Variants in PIK3CD observed in about 807,000 individuals in gnomAD.
The protein encoded by PIK3CD is phosphatidylinositol 4,5-bisphosphate 3-kinase catalytic subunit delta isoform.
PIK3CD carries 20 observed loss-of-function variants against 122.9 expected under a neutral mutation model. The observed-to-expected ratio is 0.16, with a 90% CI of 0.11 to 0.24. The LOEUF (loss-of-function observed/expected upper bound fraction) is 0.24. Among genes scored for constraint, PIK3CD ranks in the 10% least tolerant of loss-of-function variants. The pLI, the probability that PIK3CD is intolerant of heterozygous loss-of-function variation, is 1.00. For missense variants in PIK3CD, 787 were observed against 1,406.3 expected (o/e 0.56, Z 7.04); for synonymous variants, 596 against 593.4 (o/e 1.00, Z -0.06).
chr1:9,637,025 G>A, the PIK3CD span, among the ~76,000 whole-genome samples: 1 of 151,966 alleles, frequency 6.6e-6, no homozygotes, highest in African/African-American at 2.4e-5. Flanking sequence ...AGCCTCCTGA[G>A]TAGCTGGGAC....
chr1:9,720,129 C>A lies in PIK3CD; in HGVS notation c.1357C>A (p.Leu453Met). The A allele has an allele frequency of 6.2e-7, 1 of 1,613,248 alleles. No individual in the cohort carries two copies. Among genetic ancestry groups the A allele is most frequent in the Non-Finnish European group, 8.5e-7 (1 of 1,180,016 alleles). ...PSVPDEKGEL[L>M]NPTGTVRSNP... is the part of the protein sequence containing the mutation. ...GTGTTCAGATGAGAAGGGCGAGCTG[C>A]TGAACCCCACGGGCACTGTGCGCAG... The change falls in exon 11 of 24, where the codon CTG becomes ATG. Residue 453 changes from leucine to methionine, a missense_variant. This residue lies in a region of PIK3CD where 592 missense variants were observed against 920.6 expected (regional missense o/e 0.64). Transcript: ENST00000377346. The surrounding 1 kb of genome is among the most constrained non-coding windows in gnomAD (Gnocchi z 9.0).
intron 1 of PIK3CD, among the ~76,000 whole-genome samples, chr1:9,674,391 G>A (rs567980808): frequency 2.2e-4 from 33 of 152,212 alleles, no homozygotes; most frequent in East Asian, 7.7e-4. Context: ...TTGAAAATAC[G>A]AAGGTTGGCC....
intron 1 of PIK3CD, among the ~76,000 whole-genome samples, chr1:9,675,931 ATT>A (rs577007319): frequency 3.9e-4 from 52 of 132,168 alleles, no homozygotes; most frequent in African/African-American, 1.2e-3. Flanking sequence ...CACCAAGCTA[ATT>A]TTTTTTTTTT....
At chr1:9,629,314 A>G in the PIK3CD span, among the ~76,000 whole-genome samples, 1 of 151,756 alleles carries the variant, frequency 6.6e-6, no homozygotes, top group Non-Finnish European at 1.5e-5. Context: ...TCCGAGAAAG[A>G]GGCCGGGGCA....
chr1:9,675,544 G>A (rs192368947), intron 1 of PIK3CD, among the ~76,000 whole-genome samples: 86 of 152,178 alleles, frequency 5.7e-4, no homozygotes, highest in African/African-American at 2.0e-3. Flanking sequence ...CCTGCACCAT[G>A]CTGCCTCCAA....
intron 1 of PIK3CD, among the ~76,000 whole-genome samples, chr1:9,662,939 T>G (rs1645050713): frequency 6.6e-6 from 1 of 152,196 alleles, no homozygotes; most frequent in South Asian, 2.1e-4. Flanking sequence ...TCCACCTGCC[T>G]TGGCCTCCCG....
intron 1 of PIK3CD, chr1:9,687,342 G>A (rs1314170639): frequency 1.3e-5 from 2 of 152,192 alleles, no homozygotes; most frequent in East Asian, 1.9e-4. Context: ...TACCAGGTTG[G>A]GGGGCTCTGC....
chr1:9,692,988 G>C (rs897830578), intron 2 of PIK3CD, among the ~76,000 whole-genome samples: 1 of 152,074 alleles, frequency 6.6e-6, no homozygotes, highest in Non-Finnish European at 1.5e-5. Context: ...ATACTGACTT[G>C]ATCTTTGTCT....
chr1:9,661,236 C>T (rs1050652594), intron 1 of PIK3CD, among the ~76,000 whole-genome samples: 9 of 151,442 alleles, frequency 5.9e-5, no homozygotes, highest in East Asian at 1.9e-4. Context: ...TGCCCGGCCA[C>T]GCCCAGCTAA....
chr1:9,712,363 C>T (rs1449825306), intron 3 of PIK3CD, among the ~76,000 whole-genome samples: 1 of 151,954 alleles, frequency 6.6e-6, no homozygotes, highest in African/African-American at 2.4e-5. Context: ...TCACTGCAAC[C>T]TCCGCCTCCC....
Position 9,724,653 on chromosome 1 carries a change from G to A in PIK3CD, c.2865-151G>A. 5 of 1,140,682 alleles carry A rather than the reference G, an allele frequency of 4.4e-6. No homozygotes were observed. Among genetic ancestry groups the A allele is most frequent in the Non-Finnish European group, 6.6e-6 (5 of 756,396 alleles). The allele number at this position is 1,140,682 out of a possible 1,614,324, so 70.7% of individuals were successfully genotyped here. A position where few individuals can be genotyped will look rare whatever the true frequency, so the allele number is the denominator to read the frequency against. ...AGCAGGAGGCTGGCTGGGGCACGGG[G>A]GTCAGTTAGCAGAACTGGAGGCCTT... On this transcript the variant is annotated intron_variant, in intron 22 of 23. Coordinates refer to ENST00000377346, the MANE Select transcript of PIK3CD (RefSeq NM_005026.5). This position sits in a 1 kb window ranked among gnomAD's most constrained non-coding sequence, Gnocchi z 7.3.
intron 2 of PIK3CD, among the ~76,000 whole-genome samples, chr1:9,697,209 T>A (rs1378505624): frequency 6.7e-6 from 1 of 149,544 alleles, no homozygotes; most frequent in Non-Finnish European, 1.5e-5. Context: ...CTGTCTCTAT[T>A]TTCATAAAAG....
chr1:9,641,842 C>T, the PIK3CD span, among the ~76,000 whole-genome samples: 1 of 152,194 alleles, frequency 6.6e-6, no homozygotes, highest in Non-Finnish European at 1.5e-5. Flanking sequence ...TCTTGCAAGT[C>T]AGACTTTCTA....
At chr1:9,638,193 A>T in the PIK3CD span, among the ~76,000 whole-genome samples, 2 of 152,178 alleles carry the variant, frequency 1.3e-5, no homozygotes, top group African/African-American at 4.8e-5. Flanking sequence ...GGCTTTCTCT[A>T]AGGCTCCTTA....
intron 1 of PIK3CD, among the ~76,000 whole-genome samples, chr1:9,672,075 CTG>C (rs890828354): frequency 1.3e-5 from 2 of 152,166 alleles, no homozygotes; most frequent in Non-Finnish European, 2.9e-5. Flanking sequence ...CCCTGATGGG[CTG>C]TGTTTCTCCA....
chr1:9,629,554 C>T, the PIK3CD span, among the ~76,000 whole-genome samples: 1 of 151,106 alleles, frequency 6.6e-6, no homozygotes, highest in East Asian at 1.9e-4. Context: ...GAGCCACGAC[C>T]CTGCCGTGGG....
chr1:9,702,730 A>G (rs1646694886), intron 2 of PIK3CD, among the ~76,000 whole-genome samples: 1 of 151,646 alleles, frequency 6.6e-6, no homozygotes, highest in South Asian at 2.1e-4. Context: ...CATGTTGGTC[A>G]GGCTGGTTTC....
chr1:9,693,046 T>G (rs952177408), intron 2 of PIK3CD, among the ~76,000 whole-genome samples: 1 of 152,180 alleles, frequency 6.6e-6, no homozygotes, highest in Admixed American at 6.5e-5. Context: ...CTTTTTTATT[T>G]ATAAAAATAG....
chr1:9,725,563 A>C (rs1011778920), intron 23 of PIK3CD, among the ~76,000 whole-genome samples: 5 of 150,724 alleles, frequency 3.3e-5, no homozygotes, highest in African/African-American at 4.9e-5. Context: ...CTCAAAAAAA[A>C]TAAAAATAAA....
Sources: allele counts gnomAD v4.1 joint callset (sites outside exome capture counted in the v4.1 genomes callset), GRCh38; gene constraint gnomAD v4.1.1; regional missense constraint gnomAD v4.1.1; non-coding constraint Gnocchi (gnomAD v3.1); transcripts MANE v1.5; gene names NCBI Gene and HGNC (gene_info 2026-07-23, HGNC 2026-07-21).